CDH15: variants seen among roughly 807,000 people sequenced by gnomAD.
The protein encoded by CDH15 is cadherin 15.
A neutral mutation model predicts 69.4 loss-of-function variants in CDH15; 73 were observed. The ratio of observed to expected loss-of-function variants is 1.05; its 90% CI spans 0.87 to 1.28. The LOEUF (loss-of-function observed/expected upper bound fraction) is 1.28, where lower values mean the gene tolerates loss of function less well. CDH15 is among the 50% of genes most tolerant of loss of function. CDH15 has a pLI of 0.00. For synonymous variants in CDH15, 624 were observed against 507.7 expected, an observed-to-expected ratio of 1.23 and a Z score of -3.08; for missense variants, 1,343 against 1,133.6, an observed-to-expected ratio of 1.18 and a Z score of -2.65.
intron 10 of CDH15, 29 bp downstream of exon 10, chr16:89,191,923 C>G (rs748381672): frequency 9.8e-6 from 15 of 1,523,748 alleles, no homozygotes; most frequent in South Asian, 2.4e-5. Flanking sequence ...CGCGCTCCCC[C>G]CATCCCCACG....
chr16:89,184,678 C>T (rs1033569221), intron 4 of CDH15, among the ~76,000 whole-genome samples: 2 of 152,070 alleles, frequency 1.3e-5, no homozygotes, highest in South Asian at 2.1e-4. Flanking sequence ...CCCCTGCGTC[C>T]TCTGCCCAGC....
rs750089106 is a variant in CDH15 at position 89,191,297 on chromosome 16, C to T, written c.1233-33C>T. On this transcript the variant is annotated intron_variant, in intron 8 of 13. Coordinates refer to ENST00000289746, the MANE Select transcript of CDH15 (RefSeq NM_004933.3). Reference sequence around the variant, plus strand: ...CACACCTGTGGGGCCCTGGGGTAAACTCAGATCCCACTCTTCCCCTCCCCT... The same window carrying T: ...CACACCTGTGGGGCCCTGGGGTAAATTCAGATCCCACTCTTCCCCTCCCCT... The T allele has an allele frequency of 1.9e-6, 3 of 1,612,298 alleles. No individual in the cohort carries two copies. In the East Asian group the frequency reaches 6.7e-5, roughly 36 times the overall value.
At chr16:89,174,343 C>CA (rs1915215055) in intron 1 of CDH15, among the ~76,000 whole-genome samples, 1 of 152,146 alleles carries the variant, frequency 6.6e-6, no homozygotes, top group African/African-American at 2.4e-5. Context: ...CCTTCGCACT[C>CA]TCTTCCCAGG....
At position 89,192,278 on chromosome 16, in the gene CDH15, C is replaced by T. The variant is rs751505289; in HGVS notation, c.1689C>T (p.Asp563=). Residue 563 remains aspartate, a synonymous_variant, in exon 11 of 14, where the codon GAC becomes GAT. Coordinates refer to ENST00000289746, the MANE Select transcript of CDH15 (RefSeq NM_004933.3). ...ACCGCCTCAGCCTGCTGCTCCGGGA[C>T]TCGGGGCAGCCGCCCCAGCAGCGCG... ...GLHRLSLLLR[D]SGQPPQQREQ... is the part of the protein sequence containing the mutation. 1 of 1,531,310 alleles carries T rather than the reference C, an allele frequency of 6.5e-7. No individual in the cohort carries two copies. 94.9% of individuals were successfully genotyped at this position (1,531,310 alleles called of 1,614,324 possible).
chr16:89,193,348 C>CA, intron 11 of CDH15, 122 bp from the exon 12 acceptor site: 3 of 541,912 alleles, frequency 5.5e-6, no homozygotes, highest in Non-Finnish European at 9.4e-6. Context: ...GCCGCCCCCT[C>CA]AACCCCACCC....
intron 1 of CDH15, among the ~76,000 whole-genome samples, chr16:89,176,580 T>A (rs1915260511): frequency 6.6e-6 from 1 of 152,088 alleles, no homozygotes; most frequent in African/African-American, 2.4e-5. Context: ...TAGGTGTTGG[T>A]GTGGCGTGGC....
intron 1 of CDH15, among the ~76,000 whole-genome samples, chr16:89,179,168 A>G (rs755045903): frequency 5.3e-5 from 8 of 152,144 alleles, no homozygotes; most frequent in Non-Finnish European, 8.8e-5. Context: ...GGGGGCTTTG[A>G]GGGCCAGTAC....
intron 5 of CDH15, chr16:89,185,723 C>T (rs1402821879): frequency 6.0e-6 from 2 of 333,820 alleles, no homozygotes; most frequent in African/African-American, 4.3e-5. Context: ...GTCAGCTCCT[C>T]TAGGAAGCCC....
rs1915422454 is a variant in CDH15, at chr16:89,183,596, A to G, written c.406A>G (p.Thr136Ala). ...GGGAGGATCCACCCTGGAGGACCCC[A>G]CGGACCTGGAGATTGTAGTTGTGGA... ...DLGGSTLEDP[T>A]DLEIVVVDQN... Residue 136 changes from threonine to alanine, a missense_variant, in exon 4 of 14, where the codon ACG becomes GCG. Coordinates refer to ENST00000289746, the MANE Select transcript of CDH15 (RefSeq NM_004933.3). 2 of 1,614,066 alleles carry G rather than the reference A, an allele frequency of 1.2e-6. No individual in the cohort carries two copies. The highest frequency in any genetic ancestry group is 1.7e-5 in the Admixed American group (1 of 59,996).
chr16:89,191,466 G>C lies in CDH15; in HGVS notation c.1369G>C (p.Asp457His). The C allele has an allele frequency of 1.9e-6, 3 of 1,612,406 alleles. No individual in the cohort carries two copies. The highest frequency in any genetic ancestry group is 1.1e-5 in the South Asian group (1 of 91,078). The change falls in exon 9 of 14, where the codon GAT (aspartate) becomes CAT (histidine). Residue 457 changes from aspartate to histidine, a missense_variant. Physicochemically the swap from Asp to His is moderately conservative, Grantham distance 81 (BLOSUM62 -1). Transcript: ENST00000289746. ...GWYRAIVLAQDDASQPRTATG... is the reference protein window; with the variant it reads ...GWYRAIVLAQHDASQPRTATG... ...GTACAGAGCCATCGTCCTGGCCCAG[G>C]ATGACGGTGAGCGGCGCCGCCGGCT...
Position 89,191,348 on chromosome 16 carries a change from C to T in CDH15, c.1251C>T (p.Asp417=), listed in dbSNP as rs779381603. Residue 417 remains aspartate (D), a synonymous_variant, in exon 9 of 14, where the codon GAC becomes GAT. Transcript: ENST00000289746. The part of the protein sequence containing the change: ...LQRLSYSKDY[D]PEDWLQVDAA... ...GCATCAGCTACTCCAAGGACTACGA[C>T]CCGGAAGACTGGCTGCAAGTGGACG... The T allele has an allele frequency of 1.6e-5, 25 of 1,612,846 alleles. No individual in the cohort carries two copies. Among genetic ancestry groups the T allele is most frequent in the Middle Eastern group, 1.6e-4 (1 of 6,062 alleles).
chr16:89,190,201 A>G, intron 7 of CDH15, 42 bp from the exon 8 acceptor site: 1 of 1,603,088 alleles, frequency 6.2e-7, no homozygotes, highest in Non-Finnish European at 8.5e-7. Context: ...GGGTGCCCAC[A>G]CTTGCGTTGG....
chr16:89,193,335 A>AG (rs138209618), intron 11 of CDH15, 135 bp from the exon 12 acceptor site: 392,853 of 398,426 alleles, frequency 0.99, 196,312 homozygotes, highest in East Asian at 1. Flanking sequence ...CCTTTCCCCA[A>AG]CTGCCGCCCC....
At position 89,171,840 on chromosome 16, in the gene CDH15, C is replaced by G. The variant is rs1315743074; in HGVS notation, c.9C>G (p.Ala3=). The change falls in exon 1 of 14, where the codon GCC becomes GCG. Residue 3 remains alanine (A), a synonymous_variant. Transcript: ENST00000289746. ...CTCCCGCCTCGGCCCCGATGGACGC[C>G]GCGTTCCTCCTCGTCCTCGGGCTGT... MD[A]AFLLVLGLLA... is the part of the protein sequence containing the mutation. The G allele has an allele frequency of 1.3e-6, 2 of 1,559,456 alleles. No individual in the cohort carries two copies. Among genetic ancestry groups the G allele is most frequent in the Admixed American group, 3.8e-5 (2 of 53,290 alleles).
chr16:89,173,216 G>C (rs543917770), intron 1 of CDH15, among the ~76,000 whole-genome samples: 1 of 152,156 alleles, frequency 6.6e-6, no homozygotes, highest in East Asian at 1.9e-4. Context: ...AGGCTGGGGG[G>C]CTCCATGCCT....
intron 9 of CDH15, 36 bp from the exon 10 acceptor site, chr16:89,191,619 G>A (rs1364942960): frequency 1.9e-6 from 3 of 1,568,972 alleles, no homozygotes; most frequent in East Asian, 4.7e-5. Context: ...AGGCTGGGGT[G>A]TTGGGGTCAC....
rs563775973 is a variant in CDH15 at position 89,175,562 on chromosome 16, A to C, written c.42+3689A>C. ...GGCTCCCGGGGGGTTGGGAGGACCA[A>C]AGGGGAGGGGGAGAGGGAGGTGCAA... On this transcript the variant is annotated intron_variant, in intron 1 of 13. Coordinates refer to ENST00000289746, the MANE Select transcript of CDH15 (RefSeq NM_004933.3). Among the ~76,000 whole-genome samples, 11 of 152,222 alleles carry C rather than the reference A, an allele frequency of 7.2e-5. No individual in the cohort carries two copies. In the South Asian group the frequency reaches 2.3e-3, roughly 32 times the overall value.
rs748291788 is a variant in CDH15, at chr16:89,190,432, C to A, written c.1168C>A (p.Pro390Thr). 1.8e-5 allele frequency: 29 copies of A among 1,609,652 alleles called. No individual in the cohort carries two copies. The highest frequency in any genetic ancestry group is 2.7e-5 in the African/African-American group (2 of 74,922). Residue 390 changes from proline (P) to threonine (T), a missense_variant, in exon 8 of 14, where the codon CCA becomes ACA. By Grantham distance (38) the Pro-to-Thr change is conservative. Transcript: ENST00000289746. ...LRTSLAEGAPPGTLVATFSAR... is the reference protein window; with the variant it reads ...LRTSLAEGAPTGTLVATFSAR... ...GACCAGCCTAGCAGAGGGGGCACCC[C>A]CAGGCACTCTGGTGGCCACCTTCTC...
chr16:89,195,126 C>G lies in CDH15; in HGVS notation c.2416C>G (p.Leu806Val), dbSNP rs1208922439. 1.2e-6 allele frequency: 2 copies of G among 1,602,922 alleles called. No individual in the cohort carries two copies. Among genetic ancestry groups the G allele is most frequent in the Non-Finnish European group, 8.5e-7 (1 of 1,174,184 alleles). ...GGAGGGTCTTTCTCCTGGGGCACTG[C>G]TACCCAGACACAGAGGCCGGACAGC... is the stretch of plus-strand genomic sequence containing the variant. ...AREGLSPGAL[L>V]PRHRGRTA Residue 806 changes from leucine to valine, a missense_variant, in exon 14 of 14, where the codon CTA (leucine) becomes GTA (valine). Coordinates refer to ENST00000289746, the MANE Select transcript of CDH15 (RefSeq NM_004933.3).
Sources: gnomAD v4.1 joint callset for allele counts (sites outside exome capture counted in the v4.1 genomes callset) on GRCh38, gnomAD v4.1.1 for gene constraint, MANE v1.5 for transcripts, NCBI Gene and HGNC (gene_info 2026-07-23, HGNC 2026-07-21) for gene names.